Variants in ATRNL1 observed in about 807,000 individuals in gnomAD.
ATRNL1 encodes attractin-like protein 1.
A neutral mutation model predicts 182.7 loss-of-function variants in ATRNL1; 95 were observed. The ratio of observed to expected loss-of-function variants is 0.52; its 90% CI spans 0.44 to 0.62. The LOEUF is 0.62. Among genes scored for constraint, ATRNL1 ranks in the 20% least tolerant of loss-of-function variants. The probability of loss-of-function intolerance (pLI) is 0.00; values close to 1 mark genes in which losing one functional copy is unlikely to be tolerated. For missense variants in ATRNL1, 1,471 were observed against 1,679.5 expected, an observed-to-expected ratio of 0.88 and a Z score of 2.17; for synonymous variants, 576 against 568.3, an observed-to-expected ratio of 1.01 and a Z score of -0.19.
chr10:115,399,192 T>C (rs1844434142), intron 20 of ATRNL1, among the ~76,000 whole-genome samples: 1 of 152,140 alleles, frequency 6.6e-6, no homozygotes, highest in Non-Finnish European at 1.5e-5. Context: ...TGCCAGGTTT[T>C]AGTATCAAGA....
intron 28 of ATRNL1, among the ~76,000 whole-genome samples, chr10:115,911,309 T>TTTTA (rs374633841): frequency 0.011 from 1,636 of 151,680 alleles, 30 homozygotes; most frequent in African/African-American, 0.038. Context: ...CTAAAACCTA[T>TTTTA]TTTATTTATT....
intron 18 of ATRNL1, among the ~76,000 whole-genome samples, chr10:115,331,140 A>G (rs1855197953): frequency 6.6e-6 from 1 of 151,308 alleles, no homozygotes; most frequent in Admixed American, 6.6e-5. Context: ...GCTCACTGCA[A>G]CCTCCACCTC....
At chr10:115,109,993 G>T (rs1844190141) in intron 1 of ATRNL1, among the ~76,000 whole-genome samples, 1 of 151,910 alleles carries the variant, frequency 6.6e-6, no homozygotes, top group African/African-American at 2.4e-5. Context: ...AATTTCTAGG[G>T]TATCTTATAT....
At chr10:115,751,216 G>A (rs146181028) in intron 27 of ATRNL1, among the ~76,000 whole-genome samples, 7 of 152,098 alleles carry the variant, frequency 4.6e-5, no homozygotes, top group Middle Eastern at 3.4e-3. Context: ...GCAAGCCAAG[G>A]AATGTGGGCA....
At chr10:115,204,675 G>C (rs1554893350) in intron 8 of ATRNL1, among the ~76,000 whole-genome samples, 2 of 152,014 alleles carry the variant, frequency 1.3e-5, no homozygotes, top group East Asian at 1.9e-4. Flanking sequence ...CTGTGATCTT[G>C]ATTTTTATTT....
chr10:115,168,900 AGACTT>A (rs1432496245), intron 7 of ATRNL1, among the ~76,000 whole-genome samples: 1 of 151,762 alleles, frequency 6.6e-6, no homozygotes, highest in Non-Finnish European at 1.5e-5. Context: ...CAGGTCATAA[AGACTT>A]AACCCAATTT....
At chr10:115,855,957 T>A (rs1555101845) in intron 28 of ATRNL1, among the ~76,000 whole-genome samples, 1 of 152,232 alleles carries the variant, frequency 6.6e-6, no homozygotes, top group African/African-American at 2.4e-5. Context: ...GTAATTTTTT[T>A]AACTATTTTA....
chr10:115,590,636 G>T (rs182767510), intron 26 of ATRNL1, among the ~76,000 whole-genome samples: 229 of 152,048 alleles, frequency 1.5e-3, no homozygotes, highest in African/African-American at 5.2e-3. Context: ...CTTCCCACCT[G>T]CCTCCTCCAG....
intron 9 of ATRNL1, among the ~76,000 whole-genome samples, chr10:115,228,684 C>T (rs964481239): frequency 1.3e-5 from 2 of 151,886 alleles, no homozygotes; most frequent in Non-Finnish European, 1.5e-5. Context: ...TTATAACTTT[C>T]AGCTGTAATT....
chr10:115,427,016 C>G (rs1845935062), intron 21 of ATRNL1, among the ~76,000 whole-genome samples: 2 of 152,176 alleles, frequency 1.3e-5, no homozygotes, highest in African/African-American at 4.8e-5. Flanking sequence ...AGCCACTGCA[C>G]CTAGCTTATC....
chr10:115,156,852 A>G (rs948524307), intron 5 of ATRNL1, among the ~76,000 whole-genome samples: 5 of 152,282 alleles, frequency 3.3e-5, no homozygotes, highest in African/African-American at 1.2e-4. Flanking sequence ...ATTTTTATAA[A>G]AAAGGAGTCT....
intron 26 of ATRNL1, among the ~76,000 whole-genome samples, chr10:115,709,266 A>AT (rs1946991701): frequency 6.6e-6 from 1 of 151,926 alleles, no homozygotes; most frequent in Non-Finnish European, 1.5e-5. Context: ...AACACTCACT[A>AT]CAATGCTAGA....
At chr10:115,296,234 G>A (rs1853180498) in intron 15 of ATRNL1, among the ~76,000 whole-genome samples, 1 of 152,176 alleles carries the variant, frequency 6.6e-6, no homozygotes, top group Non-Finnish European at 1.5e-5. Flanking sequence ...ACAGGGCAAA[G>A]GCTGGGTGCC....
intron 20 of ATRNL1, among the ~76,000 whole-genome samples, chr10:115,423,532 A>G (rs1159767659): frequency 6.6e-6 from 1 of 152,216 alleles, no homozygotes; most frequent in Non-Finnish European, 1.5e-5. Context: ...TGTCTCAGAA[A>G]CAAACAAGCA....
intron 26 of ATRNL1, among the ~76,000 whole-genome samples, chr10:115,588,101 C>T (rs1202901180): frequency 1.3e-5 from 2 of 152,054 alleles, no homozygotes; most frequent in African/African-American, 4.8e-5. Context: ...TAAAACACCC[C>T]TAAAACATGA....
chr10:115,288,678 C>T (rs188470683), intron 15 of ATRNL1, among the ~76,000 whole-genome samples: 138 of 151,972 alleles, frequency 9.1e-4, no homozygotes, highest in African/African-American at 3.2e-3. Flanking sequence ...TGTGCCACCA[C>T]GCCCAGCTAA....
At chr10:115,252,734 G>T (rs1025935153) in intron 10 of ATRNL1, among the ~76,000 whole-genome samples, 8 of 152,082 alleles carry the variant, frequency 5.3e-5, no homozygotes, top group African/African-American at 1.9e-4. Context: ...TGGTACTGAG[G>T]AGACCCTCTG....
intron 21 of ATRNL1, among the ~76,000 whole-genome samples, chr10:115,454,698 T>C (rs1847440684): frequency 6.6e-6 from 1 of 152,150 alleles, no homozygotes; most frequent in Admixed American, 6.6e-5. Context: ...TTCAGATAGT[T>C]CATTGCTAGT....
Position 115,426,307 on chromosome 10 carries a change from G to A in ATRNL1, c.3322+5G>A, listed in dbSNP as rs782794866. 6.3e-7 allele frequency: 1 copy of A among 1,596,004 alleles called. No individual in the cohort carries two copies. Among genetic ancestry groups the A allele is most frequent in the Non-Finnish European group, 8.6e-7 (1 of 1,165,916 alleles). The stretch of plus-strand genomic sequence containing the variant: ...CACTTAGAGGAACATGTTATTGTAA[G>A]TATATGTGTATTCTTCATTTTAAAT... On this transcript the variant is annotated splice_donor_5th_base_variant and intron_variant, in intron 21 of 28. Transcript: ENST00000355044.
Sources: allele counts gnomAD v4.1 joint callset (sites outside exome capture counted in the v4.1 genomes callset), GRCh38; gene constraint gnomAD v4.1.1; transcripts MANE v1.5; gene names NCBI Gene and HGNC (gene_info 2026-07-23, HGNC 2026-07-21).